The following HSD17B12 variants were observed in gnomAD, a reference collection of about 807,000 sequenced individuals.
HSD17B12 encodes the protein hydroxysteroid 17-beta dehydrogenase 12, also known as very-long-chain 3-oxoacyl-CoA reductase.
Under a neutral mutation model 39.3 loss-of-function variants are expected in HSD17B12, and 32 were observed. That is an observed-to-expected ratio of 0.81 (90% CI 0.61 to 1.09). The LOEUF is 1.09. Among genes scored for constraint, HSD17B12 ranks in the 50% least tolerant of loss-of-function variants. HSD17B12 has a pLI of 0.00. For synonymous variants in HSD17B12, 150 were observed against 146.7 expected, an observed-to-expected ratio of 1.02 and a Z score of -0.16; for missense variants, 342 against 382.9, an observed-to-expected ratio of 0.89 and a Z score of 0.89.
At chr11:43,617,448 C>A in the HSD17B12 span, among the ~76,000 whole-genome samples, 1 of 152,060 alleles carries the variant, frequency 6.6e-6, no homozygotes, top group Non-Finnish European at 1.5e-5. Flanking sequence ...ATGTTTGTTT[C>A]CACATCTTTA....
chr11:43,681,090 A>T, intron 1 of HSD17B12, 103 bp downstream of exon 1: 1 of 1,389,680 alleles, frequency 7.2e-7, no homozygotes, highest in Non-Finnish European at 9.3e-7. Context: ...TCCCCTCCCC[A>T]GCTCTCCTCT....
intron 1 of HSD17B12, chr11:43,718,796 C>A: frequency 1.0e-6 from 1 of 958,388 alleles, no homozygotes; most frequent in Non-Finnish European, 1.7e-6. Context: ...AAAGAAGACC[C>A]GCACGTCACC....
At chr11:43,681,834 C>T (rs866659637) in intron 1 of HSD17B12, among the ~76,000 whole-genome samples, 47 of 142,302 alleles carry the variant, frequency 3.3e-4, no homozygotes, top group South Asian at 1.6e-3. Flanking sequence ...TCCCCCCCCC[C>T]TTTTTTTTTT....
chr11:43,574,025 C>G, the HSD17B12 span, among the ~76,000 whole-genome samples: 1 of 152,214 alleles, frequency 6.6e-6, no homozygotes, highest in Non-Finnish European at 1.5e-5. Flanking sequence ...GCAACATTCT[C>G]ACATGCATGC....
intron 1 of HSD17B12, among the ~76,000 whole-genome samples, chr11:43,741,388 A>G (rs1238529893): frequency 6.6e-6 from 1 of 152,162 alleles, no homozygotes; most frequent in African/African-American, 2.4e-5. Context: ...TGATTTTGGA[A>G]AATTGGAGTA....
the HSD17B12 span, among the ~76,000 whole-genome samples, chr11:43,566,681 C>T: frequency 3.3e-5 from 5 of 152,120 alleles, no homozygotes; most frequent in African/African-American, 9.7e-5. Context: ...AGGCGCACAC[C>T]GCCACGCCCG....
At chr11:43,680,133 T>C (rs1189495524), upstream of HSD17B12, among the ~76,000 whole-genome samples, 1 of 147,606 alleles carries the variant, frequency 6.8e-6, no homozygotes, top group Non-Finnish European at 1.5e-5. Context: ...TGGAATGCAG[T>C]GGCGCGATCT....
Position 43,766,120 on chromosome 11 carries a change from C to T in HSD17B12, c.283+11999C>T, listed in dbSNP as rs183678775. Among the ~76,000 whole-genome samples, 17 of 152,336 alleles carry T rather than the reference C, an allele frequency of 1.1e-4. No homozygotes were observed. In the South Asian group the frequency reaches 1.2e-3, roughly 11 times the overall value. On this transcript the variant is annotated intron_variant, in intron 3 of 10. Transcript: ENST00000278353. ...GATTACAGGCGTGAGCCACCGTGCC[C>T]GGCCTCGCCTTTTCTTAACGTGCTC...
intron 3 of HSD17B12, among the ~76,000 whole-genome samples, chr11:43,792,682 C>CTTTTTTTT (rs60140879): frequency 5.9e-5 from 6 of 101,300 alleles, no homozygotes; most frequent in Admixed American, 1.1e-4. Flanking sequence ...TCAATGTAAC[C>CTTTTTTTT]TTTTTTTTTT....
chr11:43,724,187 C>T (rs1376594300), intron 1 of HSD17B12: 2 of 145,624 alleles, frequency 1.4e-5, no homozygotes, highest in Non-Finnish European at 3.0e-5. Context: ...CTGCCTTCTC[C>T]ATATATGTTT....
intron 3 of HSD17B12, among the ~76,000 whole-genome samples, chr11:43,754,471 G>A (rs1950492469): frequency 6.6e-6 from 1 of 152,140 alleles, no homozygotes; most frequent in African/African-American, 2.4e-5. Context: ...AGCTACTCAG[G>A]AGGCTGAGGC....
chr11:43,660,443 A>G, the HSD17B12 span, among the ~76,000 whole-genome samples: 1 of 145,444 alleles, frequency 6.9e-6, no homozygotes, highest in African/African-American at 2.6e-5. Context: ...TCTTTACAGC[A>G]AAGATCATGC....
intron 3 of HSD17B12, among the ~76,000 whole-genome samples, chr11:43,763,234 T>C (rs1412333267): frequency 6.6e-6 from 1 of 152,152 alleles, no homozygotes. Context: ...CAAGAAATGA[T>C]TATAGTCTTA....
chr11:43,621,504 C>T, the HSD17B12 span, among the ~76,000 whole-genome samples: 1 of 152,076 alleles, frequency 6.6e-6, no homozygotes, highest in African/African-American at 2.4e-5. Flanking sequence ...CACTTGAGCC[C>T]AGGAGTTCAA....
At chr11:43,743,440 T>C (rs1002995922) in intron 1 of HSD17B12, among the ~76,000 whole-genome samples, 6 of 152,140 alleles carry the variant, frequency 3.9e-5, no homozygotes, top group Admixed American at 1.3e-4. Context: ...GGGGCCACCA[T>C]TGGGAAACAA....
At chr11:43,740,063 A>G (rs1950350426) in intron 1 of HSD17B12, among the ~76,000 whole-genome samples, 1 of 152,206 alleles carries the variant, frequency 6.6e-6, no homozygotes, top group Non-Finnish European at 1.5e-5. Context: ...TGGGAGATGA[A>G]TGATGGTAGC....
chr11:43,667,220 T>G, the HSD17B12 span, among the ~76,000 whole-genome samples: 13 of 152,296 alleles, frequency 8.5e-5, no homozygotes, highest in South Asian at 2.1e-3. Flanking sequence ...GGTGCAATCT[T>G]GGCTCATGGC....
At chr11:43,652,368 G>A in the HSD17B12 span, among the ~76,000 whole-genome samples, 4 of 152,186 alleles carry the variant, frequency 2.6e-5, no homozygotes, top group Non-Finnish European at 2.9e-5. Context: ...CAGAGAAGAT[G>A]TCTGTTACCA....
chr11:43,682,510 C>CCGCAGTCCGA (rs1399343028), intron 1 of HSD17B12, among the ~76,000 whole-genome samples: 1 of 37,808 alleles, frequency 2.6e-5, no homozygotes, highest in African/African-American at 9.9e-5. Flanking sequence ...CCACTGCACT[C>CCGCAGTCCGA]CATCCAGCCT....
Sources: gnomAD v4.1 joint callset for allele counts (sites outside exome capture counted in the v4.1 genomes callset) on GRCh38, gnomAD v4.1.1 for gene constraint, MANE v1.5 for transcripts, NCBI Gene and HGNC (gene_info 2026-07-23, HGNC 2026-07-21) for gene names.